The following MAPKAP1 variants were observed in gnomAD, a reference collection of about 807,000 sequenced individuals.
The protein encoded by MAPKAP1 is target of rapamycin complex 2 subunit MAPKAP1.
MAPKAP1 carries 20 observed loss-of-function variants against 65.7 expected under a neutral mutation model. That is an observed-to-expected ratio of 0.30 (90% CI 0.21 to 0.44). MAPKAP1 has a LOEUF of 0.44. Among genes scored for constraint, MAPKAP1 ranks in the 20% least tolerant of loss-of-function variants. The pLI is 1.00. For synonymous variants in MAPKAP1, 222 were observed against 244.3 expected (o/e 0.91, Z 0.85); for missense variants, 423 against 648.0 (o/e 0.65, Z 3.77).
intron 4 of MAPKAP1, among the ~76,000 whole-genome samples, chr9:125,656,594 T>A (rs955685933): frequency 6.6e-6 from 1 of 151,638 alleles, no homozygotes; most frequent in Non-Finnish European, 1.5e-5. Context: ...AGAAAACACC[T>A]CTGCTCAAAG....
chr9:125,441,762 C>G (rs1250935436), intron 11 of MAPKAP1, among the ~76,000 whole-genome samples: 1 of 152,120 alleles, frequency 6.6e-6, no homozygotes, highest in Non-Finnish European at 1.5e-5. Context: ...GGTACTGGTG[C>G]AAAGCTCACA....
intron 1 of MAPKAP1, among the ~76,000 whole-genome samples, chr9:125,685,839 T>G (rs892268142): frequency 6.6e-6 from 1 of 152,198 alleles, no homozygotes; most frequent in Non-Finnish European, 1.5e-5. Context: ...CAAGGGGCTG[T>G]CCGGTGAGTT....
intron 10 of MAPKAP1, among the ~76,000 whole-genome samples, chr9:125,451,937 G>A (rs1852970139): frequency 1.3e-5 from 2 of 151,834 alleles, no homozygotes; most frequent in South Asian, 4.2e-4. Flanking sequence ...AGCCTCCAGA[G>A]TAGCTGGGAT....
At chr9:125,577,548 G>A (rs562834155) in intron 5 of MAPKAP1, among the ~76,000 whole-genome samples, 23 of 133,204 alleles carry the variant, frequency 1.7e-4, no homozygotes, top group Non-Finnish European at 2.3e-4. Context: ...CGGCCGCCCC[G>A]TCCAGGAGGG....
intron 6 of MAPKAP1, among the ~76,000 whole-genome samples, chr9:125,551,924 TA>T (rs1830596232): frequency 6.6e-6 from 1 of 152,188 alleles, no homozygotes; most frequent in Non-Finnish European, 1.5e-5. Flanking sequence ...AAAGGAACAG[TA>T]GGCTTTGGCT....
chr9:125,567,757 T>G (rs936456380), intron 5 of MAPKAP1: 8 of 152,172 alleles, frequency 5.3e-5, no homozygotes, highest in African/African-American at 1.9e-4. Flanking sequence ...ATGAAGGGAC[T>G]ATAGTGAGAA....
At chr9:125,489,756 A>C (rs1854631775) in intron 8 of MAPKAP1, among the ~76,000 whole-genome samples, 1 of 152,164 alleles carries the variant, frequency 6.6e-6, no homozygotes, top group Non-Finnish European at 1.5e-5. Context: ...AGGCAGGTGG[A>C]GTCTAGGGCC....
chr9:125,440,038 T>A (rs537510322), intron 11 of MAPKAP1, among the ~76,000 whole-genome samples: 7 of 151,738 alleles, frequency 4.6e-5, no homozygotes, highest in African/African-American at 1.7e-4. Flanking sequence ...CACAAGGGAG[T>A]GTCCCTGGAA....
chr9:125,679,137 G>C (rs1258125943), intron 1 of MAPKAP1, among the ~76,000 whole-genome samples: 2 of 152,156 alleles, frequency 1.3e-5, no homozygotes, highest in Admixed American at 6.5e-5. Context: ...GAGTGGCTGG[G>C]ATTATAAGTG....
chr9:125,679,054 T>A (rs374860470), intron 1 of MAPKAP1, among the ~76,000 whole-genome samples: 6 of 150,684 alleles, frequency 4.0e-5, no homozygotes, highest in Non-Finnish European at 8.8e-5. Flanking sequence ...CAGGCTGGAG[T>A]GCAGCAGTGC....
At chr9:125,530,591 A>G (rs749332722) in intron 7 of MAPKAP1, among the ~76,000 whole-genome samples, 1 of 152,254 alleles carries the variant, frequency 6.6e-6, no homozygotes, top group African/African-American at 2.4e-5. Flanking sequence ...GCTTGTGACC[A>G]TTAATCCATC....
chr9:125,459,292 C>G (rs10986767), intron 10 of MAPKAP1, among the ~76,000 whole-genome samples: 4,420 of 144,574 alleles, frequency 0.031, 184 homozygotes, highest in East Asian at 0.13. Flanking sequence ...CTTCCTAGAT[C>G]GGATGGCGGC....
chr9:125,440,785 T>A (rs1852452056), intron 11 of MAPKAP1, among the ~76,000 whole-genome samples: 1 of 152,208 alleles, frequency 6.6e-6, no homozygotes, highest in Non-Finnish European at 1.5e-5. Context: ...CAGGGCCAGG[T>A]TGATGATTTG....
At chr9:125,586,505 T>C (rs925428167) in intron 4 of MAPKAP1, among the ~76,000 whole-genome samples, 1 of 150,198 alleles carries the variant, frequency 6.7e-6, no homozygotes, top group African/African-American at 2.5e-5. Context: ...GACTGCTTTG[T>C]TGTTGTTTTT....
chr9:125,514,108 G>A (rs1829391232), intron 7 of MAPKAP1, among the ~76,000 whole-genome samples: 1 of 152,106 alleles, frequency 6.6e-6, no homozygotes, highest in South Asian at 2.1e-4. Flanking sequence ...ACCTTCCATG[G>A]TCCACGTGGG....
At chr9:125,589,004 TG>T (rs1367776903) in intron 4 of MAPKAP1, among the ~76,000 whole-genome samples, 3 of 152,190 alleles carry the variant, frequency 2.0e-5, no homozygotes, top group Admixed American at 2.0e-4. Flanking sequence ...TGCTGTTCAC[TG>T]TATCTAGAGA....
chr9:125,532,632 C>T (rs1319065547), intron 7 of MAPKAP1, among the ~76,000 whole-genome samples: 1 of 152,204 alleles, frequency 6.6e-6, no homozygotes, highest in Non-Finnish European at 1.5e-5. Flanking sequence ...CCAGAAACTT[C>T]TAGGAGTTTA....
chr9:125,593,567 C>G (rs536515296), intron 4 of MAPKAP1, among the ~76,000 whole-genome samples: 1 of 152,088 alleles, frequency 6.6e-6, no homozygotes, highest in Admixed American at 6.5e-5. Flanking sequence ...GAGGCTCAGG[C>G]AGGAGAATTG....
intron 8 of MAPKAP1, among the ~76,000 whole-genome samples, chr9:125,489,835 G>T (rs1331687501): frequency 6.6e-6 from 1 of 152,092 alleles, no homozygotes; most frequent in Non-Finnish European, 1.5e-5. Flanking sequence ...GAAAGAACAT[G>T]GAATATAAGA....
Sources: gnomAD v4.1 joint callset for allele counts (sites outside exome capture counted in the v4.1 genomes callset) on GRCh38, gnomAD v4.1.1 for gene constraint, MANE v1.5 for transcripts, NCBI Gene and HGNC (gene_info 2026-07-23, HGNC 2026-07-21) for gene names.